Variants in PAK3 observed in about 807,000 individuals in gnomAD.
PAK3 encodes the protein p21 (RAC1) activated kinase 3, also known as serine/threonine-protein kinase PAK 3.
PAK3 carries 4 observed loss-of-function variants against 41.0 expected under a neutral mutation model. The ratio of observed to expected loss-of-function variants is 0.10; its 90% CI spans 0.05 to 0.22. The LOEUF (loss-of-function observed/expected upper bound fraction) is 0.22, where lower values mean the gene tolerates loss of function less well. Among genes scored for constraint, PAK3 ranks in the 10% least tolerant of loss-of-function variants. The pLI is 1.00. For synonymous variants in PAK3, 146 were observed against 139.6 expected (o/e 1.05, Z -0.32); for missense variants, 205 against 409.9 (o/e 0.50, Z 4.32).
At chrX:110,969,960 G>A (rs2091171476) in intron 1 of PAK3, among the ~76,000 whole-genome samples, 1 of 111,758 alleles carries the variant, frequency 8.9e-6, no homozygotes, top group African/African-American at 3.2e-5. Flanking sequence ...TAATCCATGG[G>A]ATCTATCCAT....
chrX:110,947,804 C>T (rs966944975), intron 1 of PAK3, among the ~76,000 whole-genome samples: 3 of 111,217 alleles, frequency 2.7e-5, no homozygotes, highest in African/African-American at 6.5e-5. Context: ...CAGAGGCTGT[C>T]GGCATCTTGC....
At chrX:111,067,563 T>A (rs991846870) in intron 1 of PAK3, among the ~76,000 whole-genome samples, 9 of 111,862 alleles carry the variant, frequency 8.0e-5, no homozygotes, top group Non-Finnish European at 1.7e-4. Flanking sequence ...TCTTCTAATC[T>A]TTATTGGCTA....
intron 1 of PAK3, among the ~76,000 whole-genome samples, chrX:111,097,068 C>T (rs949122498): frequency 5.5e-5 from 6 of 108,710 alleles, no homozygotes; most frequent in Non-Finnish European, 1.1e-4. Context: ...AATAACGCCC[C>T]CAGAAAGCTC....
At chrX:111,170,866 G>T (rs867182137) in intron 10 of PAK3, among the ~76,000 whole-genome samples, 1 of 111,424 alleles carries the variant, frequency 9.0e-6, no homozygotes, top group African/African-American at 3.3e-5. Context: ...AGCTAGACTG[G>T]TTAGATAGGA....
intron 8 of PAK3, 99 bp from the exon 9 acceptor site, chrX:111,162,816 A>G: frequency 1.3e-6 from 1 of 788,482 alleles, no homozygotes. Context: ...GTTTCCTCCT[A>G]TCCCTACATG....
chrX:111,204,468 T>C (rs1450293913), intron 16 of PAK3, among the ~76,000 whole-genome samples: 1 of 111,662 alleles, frequency 9.0e-6, no homozygotes, highest in Non-Finnish European at 1.9e-5. Context: ...AGACAAATCA[T>C]GGAGTGTGAT....
At position 111,043,402 on chromosome X, in the gene PAK3, G is replaced by A. The variant is rs138825578; in HGVS notation, c.-27-79675G>A. Reference sequence around the variant, plus strand: ...TAAAACTGTAGGACAGTCTCACTCCGTTTCTTCAAACACAGTAAGCATCAT... The same window carrying A: ...TAAAACTGTAGGACAGTCTCACTCCATTTCTTCAAACACAGTAAGCATCAT... On this transcript the variant is annotated intron_variant, in intron 1 of 14. Coordinates refer to the PAK3 transcript ENST00000425146. 9.7e-4 allele frequency among the ~76,000 whole-genome samples: 108 copies of A among 111,523 alleles called. 2 individuals are homozygous for A. The East Asian group carries it at 0.01, about 10-fold the overall frequency.
chrX:111,144,963 A>T, intron 6 of PAK3: 2 of 772,490 alleles, frequency 2.6e-6, no homozygotes, highest in Non-Finnish European at 1.9e-6. Flanking sequence ...GATAAGATAA[A>T]TGCTTGGCCT....
At chrX:110,967,283 C>T (rs1485331000) in intron 1 of PAK3, among the ~76,000 whole-genome samples, 1 of 112,812 alleles carries the variant, frequency 8.9e-6, no homozygotes, top group Admixed American at 9.3e-5. Context: ...GAGCTGACAA[C>T]AGGAAACAGA....
chrX:110,945,897 A>G (rs769993049), intron 1 of PAK3, among the ~76,000 whole-genome samples: 1 of 112,114 alleles, frequency 8.9e-6, no homozygotes, highest in African/African-American at 3.2e-5. Flanking sequence ...ATATACAGTT[A>G]AAGGTAGTGA....
At chrX:111,070,124 A>G (rs918597611) in intron 1 of PAK3, among the ~76,000 whole-genome samples, 3 of 111,960 alleles carry the variant, frequency 2.7e-5, no homozygotes, top group African/African-American at 9.7e-5. Context: ...AAACAAACAA[A>G]CAAACAAACA....
chrX:110,964,500 T>A (rs1311809255), intron 1 of PAK3, among the ~76,000 whole-genome samples: 1 of 111,767 alleles, frequency 8.9e-6, no homozygotes, highest in Non-Finnish European at 1.9e-5. Context: ...TATATGGAAA[T>A]CATCTGGCCT....
intron 1 of PAK3, among the ~76,000 whole-genome samples, chrX:111,054,419 T>G (rs1229667004): frequency 1.8e-5 from 2 of 112,545 alleles, no homozygotes; most frequent in African/African-American, 6.5e-5. Flanking sequence ...AGTTAGAAAT[T>G]TGATATTTAA....
intron 1 of PAK3, among the ~76,000 whole-genome samples, chrX:110,975,342 G>T (rs942683014): frequency 1.8e-5 from 2 of 111,885 alleles, no homozygotes; most frequent in Non-Finnish European, 3.8e-5. Context: ...TAACTCATAA[G>T]TGAACTCCCT....
chrX:111,063,876 C>T (rs2092679918), intron 1 of PAK3, among the ~76,000 whole-genome samples: 1 of 110,387 alleles, frequency 9.1e-6, no homozygotes, highest in East Asian at 2.8e-4. Flanking sequence ...CTCTATATTC[C>T]TCAATATTGA....
At chrX:110,949,538 G>A (rs933409644) in intron 1 of PAK3, among the ~76,000 whole-genome samples, 3 of 111,330 alleles carry the variant, frequency 2.7e-5, no homozygotes, top group Non-Finnish European at 5.7e-5. Flanking sequence ...ATTGTAGGTC[G>A]AGAGCTCTTG....
chrX:111,132,491 G>A (rs1010049762), intron 5 of PAK3, among the ~76,000 whole-genome samples: 3 of 110,802 alleles, frequency 2.7e-5, no homozygotes, highest in Non-Finnish European at 5.7e-5. Context: ...AAGGGCTTCT[G>A]GTGTCAAGCT....
intron 1 of PAK3, among the ~76,000 whole-genome samples, chrX:111,061,616 G>A (rs369324024): frequency 1.8e-5 from 2 of 111,324 alleles, no homozygotes; most frequent in East Asian, 5.6e-4. Context: ...CCATAAACAG[G>A]CCCTTTTTCA....
chrX:110,978,410 T>C (rs909088340), intron 1 of PAK3, among the ~76,000 whole-genome samples: 1 of 111,456 alleles, frequency 9.0e-6, no homozygotes, highest in African/African-American at 3.3e-5. Flanking sequence ...TGTTAGATTT[T>C]ATCAATTGCT....
Sources: allele counts gnomAD v4.1 joint callset (sites outside exome capture counted in the v4.1 genomes callset), GRCh38; gene constraint gnomAD v4.1.1; transcripts MANE v1.5; gene names NCBI Gene and HGNC (gene_info 2026-07-23, HGNC 2026-07-21).